The following SNX9 variants were observed in gnomAD, a reference collection of about 807,000 sequenced individuals.
SNX9 encodes the protein sorting nexin-9.
In SNX9, 44 loss-of-function variants were observed where a neutral mutation model predicts 89.4. The ratio of observed to expected loss-of-function variants is 0.49; its 90% CI spans 0.39 to 0.63. The LOEUF (loss-of-function observed/expected upper bound fraction) is 0.63. Among genes scored for constraint, SNX9 ranks in the 30% least tolerant of loss-of-function variants. The pLI is 0.00. For missense variants in SNX9, 578 were observed against 736.1 expected (o/e 0.79, Z 2.49); for synonymous variants, 236 against 247.8 (o/e 0.95, Z 0.45).
intron 12 of SNX9, among the ~76,000 whole-genome samples, chr6:157,930,296 A>G (rs1783783027): frequency 6.6e-6 from 1 of 152,244 alleles, no homozygotes; most frequent in South Asian, 2.1e-4. Context: ...TCCCATGGCA[A>G]AGAAATATGA....
At chr6:157,897,068 C>A (rs958648588) in intron 5 of SNX9, 70 bp downstream of exon 5, 16 of 1,411,214 alleles carry the variant, frequency 1.1e-5, no homozygotes, top group African/African-American at 1.4e-5. Context: ...GAAGACCGAA[C>A]TGTTTTTGCT....
intron 4 of SNX9, among the ~76,000 whole-genome samples, chr6:157,876,218 G>A (rs1006831449): frequency 2.6e-5 from 4 of 152,270 alleles, no homozygotes; most frequent in African/African-American, 4.8e-5. Context: ...TTGGGAGGCC[G>A]AGGCGGGCGG....
intron 1 of SNX9, among the ~76,000 whole-genome samples, chr6:157,865,655 C>T (rs562683410): frequency 1.3e-5 from 2 of 152,264 alleles, no homozygotes; most frequent in Non-Finnish European, 2.9e-5. Context: ...CATCTAGATT[C>T]AGTACCTGCT....
Position 157,937,604 on chromosome 6 carries a change from A to G in SNX9, c.1533+81A>G, listed in dbSNP as rs1783952739. On this transcript the variant is annotated intron_variant, in intron 15 of 17. Transcript: ENST00000392185. ...GCGCAGTAGTCAGTATTGGTTTTAT[A>G]TGTTTATTATTAAAAAAGAAACAAT... is the stretch of plus-strand genomic sequence containing the variant. The G allele has an allele frequency of 5.4e-6, 5 of 927,202 alleles. No homozygotes were observed. In the African/African-American group the frequency reaches 6.9e-5, roughly 13 times the overall value. The allele number at this position is 927,202 out of a possible 1,614,324, so 57.4% of individuals were successfully genotyped here.
At chr6:157,906,515 A>G (rs1222869914) in intron 7 of SNX9, among the ~76,000 whole-genome samples, 1 of 152,162 alleles carries the variant, frequency 6.6e-6, no homozygotes, top group Non-Finnish European at 1.5e-5. Context: ...TGCCAGCCCT[A>G]TATGTTTAAC....
intron 1 of SNX9, among the ~76,000 whole-genome samples, chr6:157,853,695 C>G (rs1374066315): frequency 6.6e-6 from 1 of 152,058 alleles, no homozygotes; most frequent in Non-Finnish European, 1.5e-5. Flanking sequence ...TTTACTTTCC[C>G]TTGAACTCTA....
chr6:157,897,615 C>G (rs1298643482), intron 5 of SNX9, among the ~76,000 whole-genome samples: 3 of 152,186 alleles, frequency 2.0e-5, no homozygotes, highest in Non-Finnish European at 1.5e-5. Flanking sequence ...TCAAGTGATT[C>G]TCTCACCTCA....
At chr6:157,910,091 T>A in intron 9 of SNX9, 66 bp downstream of exon 9, 1 of 1,279,038 alleles carries the variant, frequency 7.8e-7, no homozygotes, top group Non-Finnish European at 1.1e-6. Flanking sequence ...TATCTTCCTG[T>A]AAGTCAGTGA....
chr6:157,854,110 A>G (rs537318968), intron 1 of SNX9, among the ~76,000 whole-genome samples: 2 of 152,244 alleles, frequency 1.3e-5, no homozygotes, highest in African/African-American at 4.8e-5. Context: ...GGAGATGGGT[A>G]CTCTCAACTG....
chr6:157,839,456 A>G (rs1781650647), intron 1 of SNX9, among the ~76,000 whole-genome samples: 2 of 152,258 alleles, frequency 1.3e-5, no homozygotes, highest in Admixed American at 1.3e-4. Context: ...GCCTGGGTTC[A>G]AATCCCAGTC....
At chr6:157,884,766 T>C (rs553802061) in intron 4 of SNX9, among the ~76,000 whole-genome samples, 1 of 152,360 alleles carries the variant, frequency 6.6e-6, no homozygotes, top group South Asian at 2.1e-4. Context: ...GCTTTGTTCA[T>C]CTCAGGAACC....
At chr6:157,916,673 C>T (rs922981211) in intron 9 of SNX9, among the ~76,000 whole-genome samples, 2 of 152,178 alleles carry the variant, frequency 1.3e-5, no homozygotes, top group African/African-American at 4.8e-5. Flanking sequence ...ATTTTGTGTA[C>T]TCATCGAGTG....
At chr6:157,879,319 A>G (rs2115146478) in intron 4 of SNX9, among the ~76,000 whole-genome samples, 1 of 152,330 alleles carries the variant, frequency 6.6e-6, no homozygotes, top group Admixed American at 6.5e-5. Flanking sequence ...AGCTTCCCTT[A>G]GGGAGAGTGA....
At chr6:157,892,400 C>T (rs1583220876) in intron 4 of SNX9, among the ~76,000 whole-genome samples, 1 of 152,134 alleles carries the variant, frequency 6.6e-6, no homozygotes, top group Admixed American at 6.5e-5. Flanking sequence ...CAGGAAAGAT[C>T]TCCAGTTGGT....
intron 4 of SNX9, among the ~76,000 whole-genome samples, chr6:157,891,368 T>TA (rs1268884235): frequency 2.6e-5 from 4 of 152,122 alleles, no homozygotes; most frequent in Non-Finnish European, 5.9e-5. Flanking sequence ...GAAAATCACT[T>TA]ATTCTGTGAT....
chr6:157,828,921 G>C (rs1306369538), intron 1 of SNX9, among the ~76,000 whole-genome samples: 6 of 152,094 alleles, frequency 3.9e-5, no homozygotes, highest in South Asian at 4.1e-4. Flanking sequence ...TTTGAATGCT[G>C]TCAGCCTCAA....
At chr6:157,889,203 G>A (rs1177543938) in intron 4 of SNX9, among the ~76,000 whole-genome samples, 1 of 152,130 alleles carries the variant, frequency 6.6e-6, no homozygotes, top group Non-Finnish European at 1.5e-5. Context: ...GGCGGAGGCA[G>A]GCAGATTACC....
chr6:157,834,160 T>G (rs901701336), intron 1 of SNX9, among the ~76,000 whole-genome samples: 1 of 98,322 alleles, frequency 1.0e-5, no homozygotes, highest in African/African-American at 4.7e-5. Context: ...GTTTTTTTTT[T>G]TTTTTTTTTT....
chr6:157,915,638 A>ATATATAT (rs1341603130), intron 9 of SNX9, among the ~76,000 whole-genome samples: 10 of 77,358 alleles, frequency 1.3e-4, no homozygotes, highest in African/African-American at 5.5e-4. Context: ...AAAAAAAAAA[A>ATATATAT]AAATATATAT....
Sources: allele counts gnomAD v4.1 joint callset (sites outside exome capture counted in the v4.1 genomes callset), GRCh38; gene constraint gnomAD v4.1.1; transcripts MANE v1.5; gene names NCBI Gene and HGNC (gene_info 2026-07-23, HGNC 2026-07-21).